Variants in ANKRD6 observed in about 807,000 individuals in gnomAD.
ANKRD6 encodes the protein ankyrin repeat domain 6.
A neutral mutation model predicts 82.3 loss-of-function variants in ANKRD6; 56 were observed. The observed-to-expected ratio is 0.68, with a 90% CI of 0.55 to 0.85. ANKRD6 has a LOEUF of 0.85. Ranked by LOEUF, ANKRD6 falls within the 40% of genes least tolerant of loss-of-function variation. The pLI, the probability that ANKRD6 is intolerant of heterozygous loss-of-function variation, is 0.00. For missense variants in ANKRD6, 852 were observed against 907.6 expected (o/e 0.94, Z 0.79); for synonymous variants, 347 against 352.1 (o/e 0.99, Z 0.16).
chr6:89,442,708 C>T (rs1431894833), intron 1 of ANKRD6, among the ~76,000 whole-genome samples: 1 of 149,804 alleles, frequency 6.7e-6, no homozygotes, highest in Non-Finnish European at 1.5e-5. Context: ...CAAAGATTTT[C>T]TCATTGGCAA....
At chr6:89,471,638 T>G (rs1164624777) in intron 1 of ANKRD6, among the ~76,000 whole-genome samples, 4 of 152,010 alleles carry the variant, frequency 2.6e-5, no homozygotes, top group African/African-American at 9.7e-5. Context: ...TGTGGGTGTG[T>G]GTGTGTTTTA....
In ANKRD6 at chr6:89,575,519, T is replaced by G. The variant is rs1322260450; in HGVS notation, c.120+8423T>G. ...ATGGGCTGCTGCTTGTTAGAGCATA[T>G]TCCTTGGCACCTGACACATTGTGGA... On this transcript the variant is annotated intron_variant, in intron 2 of 15. Coordinates refer to ENST00000339746, the MANE Select transcript of ANKRD6 (RefSeq NM_001242809.2). 3.9e-5 allele frequency among the ~76,000 whole-genome samples: 6 copies of G among 152,258 alleles called. No homozygotes were observed. In the East Asian group the frequency reaches 9.7e-4, roughly 25 times the overall value.
In ANKRD6 at chr6:89,578,286, C is replaced by CTTTTTTTTTTTTTTTTTTT. The variant is rs71024383; in HGVS notation, c.120+11198_120+11216dup. On this transcript the variant is annotated intron_variant, in intron 2 of 15. Transcript: ENST00000339746. ...ATTAGCTTTTTCCCCCTCCCGCCTC[C>CTTTTTTTTTTTTTTTTTTT]TTTTTTTTTTTTTTTTTTTTTTTTT... 5.9e-5 allele frequency among the ~76,000 whole-genome samples: 7 copies of CTTTTTTTTTTTTTTTTTTT among 119,098 alleles called. 3 individuals carry two copies. Among genetic ancestry groups the CTTTTTTTTTTTTTTTTTTT allele is most frequent in the African/African-American group, 9.8e-5 (3 of 30,682 alleles). The allele number at this position is 119,098 out of a possible 152,430, so 78.1% of individuals were successfully genotyped here. A position where few individuals can be genotyped will look rare whatever the true frequency, so the allele number is the denominator to read the frequency against.
intron 1 of ANKRD6, among the ~76,000 whole-genome samples, chr6:89,553,165 G>C (rs1397437982): frequency 6.6e-6 from 1 of 152,156 alleles, no homozygotes; most frequent in Non-Finnish European, 1.5e-5. Flanking sequence ...TCTAGCATCA[G>C]ATGGATATCA....
intron 2 of ANKRD6, among the ~76,000 whole-genome samples, chr6:89,578,576 A>G (rs899269804): frequency 2.6e-5 from 4 of 152,190 alleles, no homozygotes; most frequent in Non-Finnish European, 4.4e-5. Context: ...GATCACAGGC[A>G]TGAGCCACCG....
At chr6:89,467,748 C>T (rs1775009910) in intron 1 of ANKRD6, among the ~76,000 whole-genome samples, 1 of 152,152 alleles carries the variant, frequency 6.6e-6, no homozygotes, top group African/African-American at 2.4e-5. Flanking sequence ...CCCAAGAGCT[C>T]CCCCTCTGTG....
chr6:89,468,598 TAAAAAAAAAAA>T (rs60606383), intron 1 of ANKRD6, among the ~76,000 whole-genome samples: 3 of 53,842 alleles, frequency 5.6e-5, no homozygotes, highest in Non-Finnish European at 9.7e-5. Flanking sequence ...GTTGATGAGC[TAAAAAAAAAAA>T]AAAAAAAAAA....
At chr6:89,628,533 G>C (rs1425402075) in intron 14 of ANKRD6, among the ~76,000 whole-genome samples, 2 of 152,194 alleles carry the variant, frequency 1.3e-5, no homozygotes, top group Non-Finnish European at 2.9e-5. Context: ...ACTTTGGGAG[G>C]CCTAGGTGGG....
chr6:89,479,183 C>T (rs1191399524), intron 1 of ANKRD6, among the ~76,000 whole-genome samples: 1 of 152,102 alleles, frequency 6.6e-6, no homozygotes, highest in Non-Finnish European at 1.5e-5. Flanking sequence ...TCATGGGAGG[C>T]TAGGTTAGGC....
intron 1 of ANKRD6, among the ~76,000 whole-genome samples, chr6:89,445,456 T>G (rs1175052228): frequency 6.6e-6 from 1 of 151,316 alleles, no homozygotes; most frequent in African/African-American, 2.4e-5. Context: ...TTTTATTTAT[T>G]TATTTATTTG....
chr6:89,517,244 C>T (rs1781341063), intron 1 of ANKRD6, among the ~76,000 whole-genome samples: 1 of 152,174 alleles, frequency 6.6e-6, no homozygotes, highest in Non-Finnish European at 1.5e-5. Context: ...GTTGGTCTGA[C>T]ATAAATTAAT....
intron 1 of ANKRD6, chr6:89,483,421 G>C (rs1582848580): frequency 6.6e-6 from 1 of 152,404 alleles, no homozygotes. Context: ...TTTGGCCATT[G>C]ACATGTAAAT....
At chr6:89,514,634 A>G (rs1002276354) in intron 1 of ANKRD6, among the ~76,000 whole-genome samples, 3 of 152,318 alleles carry the variant, frequency 2.0e-5, no homozygotes, top group Admixed American at 6.5e-5. Context: ...TGGATTACCA[A>G]TAATTTATAG....
intron 1 of ANKRD6, among the ~76,000 whole-genome samples, chr6:89,524,130 G>T (rs1394607243): frequency 6.6e-6 from 1 of 152,038 alleles, no homozygotes; most frequent in Non-Finnish European, 1.5e-5. Flanking sequence ...CTGCTGTTTT[G>T]TTTGTTTTTC....
chr6:89,622,055 C>A, intron 10 of ANKRD6, 29 bp downstream of exon 10: 1 of 1,598,218 alleles, frequency 6.3e-7, no homozygotes, highest in Non-Finnish European at 8.6e-7. Flanking sequence ...GCCGTCCCCA[C>A]ATCCACCCAT....
intron 1 of ANKRD6, among the ~76,000 whole-genome samples, chr6:89,510,849 C>T (rs575106091): frequency 5.9e-5 from 9 of 152,246 alleles, no homozygotes; most frequent in African/African-American, 2.2e-4. Flanking sequence ...CTCACAGTAC[C>T]TGTACATAGT....
chr6:89,437,735 G>A (rs1346312541), intron 1 of ANKRD6, among the ~76,000 whole-genome samples: 1 of 152,178 alleles, frequency 6.6e-6, no homozygotes, highest in Non-Finnish European at 1.5e-5. Context: ...TGTTAGAAAA[G>A]ATGTTAAATA....
At chr6:89,472,738 C>T (rs1050231311) in intron 1 of ANKRD6, among the ~76,000 whole-genome samples, 5 of 152,140 alleles carry the variant, frequency 3.3e-5, no homozygotes, top group Non-Finnish European at 5.9e-5. Context: ...GAGTATCTGC[C>T]TTGGCCCTGT....
At chr6:89,629,061 T>G in intron 14 of ANKRD6, 51 bp from the exon 15 acceptor site, 1 of 1,561,502 alleles carries the variant, frequency 6.4e-7, no homozygotes, top group Non-Finnish European at 8.7e-7. Context: ...TGTATCAAAT[T>G]CACTTGATTC....
Sources: gnomAD v4.1 joint callset for allele counts (sites outside exome capture counted in the v4.1 genomes callset) on GRCh38, gnomAD v4.1.1 for gene constraint, MANE v1.5 for transcripts, NCBI Gene and HGNC (gene_info 2026-07-23, HGNC 2026-07-21) for gene names.